Variants in NOL4 observed in about 807,000 individuals in gnomAD.
The protein encoded by NOL4 is cancer/testis antigen 125.
In NOL4, 17 loss-of-function variants were observed where a neutral mutation model predicts 75.9. The observed-to-expected ratio is 0.22, with a 90% CI of 0.15 to 0.34. The LOEUF (loss-of-function observed/expected upper bound fraction) is 0.34, where lower values mean the gene tolerates loss of function less well. NOL4 is among the 10% of genes least tolerant of loss of function. The pLI is 1.00. For synonymous variants in NOL4, 292 were observed against 289.9 expected, an observed-to-expected ratio of 1.01 and a Z score of -0.07; for missense variants, 614 against 793.5, an observed-to-expected ratio of 0.77 and a Z score of 2.72.
At chr18:34,018,066 G>A (rs923413708) in intron 6 of NOL4, among the ~76,000 whole-genome samples, 3 of 152,024 alleles carry the variant, frequency 2.0e-5, no homozygotes, top group Non-Finnish European at 4.4e-5. Flanking sequence ...GCAAACTATC[G>A]AATAATTTTA....
intron 5 of NOL4, among the ~76,000 whole-genome samples, chr18:34,085,139 T>C (rs568207740): frequency 2.6e-5 from 4 of 152,234 alleles, no homozygotes; most frequent in South Asian, 2.1e-4. Context: ...AGGTTCAAAA[T>C]TTATTTGAAT....
At chr18:34,195,037 A>G (rs1404690306) in intron 1 of NOL4, among the ~76,000 whole-genome samples, 2 of 151,818 alleles carry the variant, frequency 1.3e-5, no homozygotes, top group South Asian at 2.1e-4. Flanking sequence ...TCAAAAAAAA[A>G]AAAGAAAGAA....
At chr18:34,222,074 C>T in intron 1 of NOL4, 1 of 1,535,166 alleles carries the variant, frequency 6.5e-7, no homozygotes, top group Non-Finnish European at 8.7e-7. Flanking sequence ...TACTTGTAGC[C>T]CACAGTTCCC....
intron 1 of NOL4, among the ~76,000 whole-genome samples, chr18:34,212,777 T>C (rs1328080149): frequency 6.6e-6 from 1 of 152,168 alleles, no homozygotes; most frequent in Non-Finnish European, 1.5e-5. Context: ...GGTCTCAGCA[T>C]CCAGAGACTG....
chr18:33,866,941 T>C (rs1200694052), intron 10 of NOL4, among the ~76,000 whole-genome samples: 1 of 152,152 alleles, frequency 6.6e-6, no homozygotes, highest in African/African-American at 2.4e-5. Flanking sequence ...TTATTATTCT[T>C]CAGAGAGCCT....
intron 2 of NOL4, among the ~76,000 whole-genome samples, chr18:34,125,724 A>G (rs1005231982): frequency 7.9e-5 from 12 of 152,148 alleles, no homozygotes; most frequent in South Asian, 2.1e-4. Context: ...CTGGAAAGGA[A>G]TATTCCATTC....
At chr18:33,981,105 T>C (rs1600137168) in intron 6 of NOL4, among the ~76,000 whole-genome samples, 4 of 152,038 alleles carry the variant, frequency 2.6e-5, no homozygotes, top group Admixed American at 2.6e-4. Context: ...GACATGGCTG[T>C]GGAAAGAATC....
At chr18:34,058,650 T>A (rs1165728370) in intron 5 of NOL4, among the ~76,000 whole-genome samples, 1 of 152,166 alleles carries the variant, frequency 6.6e-6, no homozygotes, top group Non-Finnish European at 1.5e-5. Flanking sequence ...AATATTGCAA[T>A]CTTCATAACA....
At chr18:33,923,186 T>A (rs755394469) in intron 9 of NOL4, among the ~76,000 whole-genome samples, 2 of 152,118 alleles carry the variant, frequency 1.3e-5, no homozygotes, top group African/African-American at 2.4e-5. Context: ...TATACCAATT[T>A]TTTGTCTTCC....
Position 33,955,160 on chromosome 18 carries a change from T to C in NOL4, c.1428+2166A>G, listed in dbSNP as rs551339186. 5.3e-5 allele frequency among the ~76,000 whole-genome samples: 8 copies of C among 152,218 alleles called. No individual in the cohort carries two copies. The South Asian group carries it at 1.7e-3, about 32-fold the overall frequency. On this transcript the variant is annotated intron_variant, in intron 8 of 10. Coordinates refer to ENST00000261592, the MANE Select transcript of NOL4 (RefSeq NM_003787.5). ...TAATAGCTACATAGGTATTATAAAG[T>C]TTTTATCAAGATCTTATATGAAAGG...
At chr18:34,167,151 C>A (rs2032475496) in intron 1 of NOL4, among the ~76,000 whole-genome samples, 1 of 149,330 alleles carries the variant, frequency 6.7e-6, no homozygotes, top group South Asian at 2.1e-4. Flanking sequence ...TTATAAGTAA[C>A]CTAGGGATGA....
At chr18:33,909,582 A>G (rs906953061) in intron 9 of NOL4, among the ~76,000 whole-genome samples, 9 of 152,150 alleles carry the variant, frequency 5.9e-5, no homozygotes, top group African/African-American at 1.9e-4. Context: ...CCTGAGTTAG[A>G]GACTCAGGAG....
intron 6 of NOL4, among the ~76,000 whole-genome samples, chr18:33,965,424 C>A (rs928505636): frequency 3.9e-5 from 6 of 152,092 alleles, no homozygotes; most frequent in Admixed American, 2.0e-4. Context: ...GCCCACGAAT[C>A]CCAGGCTGCT....
At position 33,878,778 on chromosome 18, in the gene NOL4, A is replaced by G. The variant is rs553955706; in HGVS notation, c.1723+4466T>C. Among the ~76,000 whole-genome samples, 64 of 152,174 alleles carry G rather than the reference A, an allele frequency of 4.2e-4. No individual in the cohort carries two copies. In the South Asian group the frequency reaches 0.012, roughly 29 times the overall value. On this transcript the variant is annotated intron_variant, in intron 10 of 10. Transcript: ENST00000261592. ...ACAAAAAAATACATCGGAAGTTCCT[A>G]CTGGTACTACCAATTCAAATACAAG...
At chr18:33,992,059 A>C (rs1264435767) in intron 6 of NOL4, among the ~76,000 whole-genome samples, 2 of 149,504 alleles carry the variant, frequency 1.3e-5, no homozygotes, top group African/African-American at 5.1e-5. Flanking sequence ...TTAATGATAG[A>C]TACTCCAGTA....
intron 10 of NOL4, among the ~76,000 whole-genome samples, chr18:33,861,471 G>A (rs951871567): frequency 3.3e-5 from 5 of 151,964 alleles, no homozygotes; most frequent in Admixed American, 1.3e-4. Flanking sequence ...CTGTGGGATT[G>A]GTGGTGATAT....
At chr18:34,142,509 T>G (rs2081213663) in intron 1 of NOL4, among the ~76,000 whole-genome samples, 1 of 152,098 alleles carries the variant, frequency 6.6e-6, no homozygotes, top group Admixed American at 6.6e-5. Flanking sequence ...CCATAAAAAA[T>G]GATGAGTTCA....
intron 8 of NOL4, among the ~76,000 whole-genome samples, chr18:33,956,957 G>A (rs1293641138): frequency 2.6e-5 from 4 of 152,052 alleles, no homozygotes; most frequent in African/African-American, 9.7e-5. Context: ...AGCAGTGACT[G>A]GTGCTTCAGT....
chr18:34,062,817 A>G (rs1312118727), intron 5 of NOL4, among the ~76,000 whole-genome samples: 2 of 152,136 alleles, frequency 1.3e-5, no homozygotes, highest in African/African-American at 2.4e-5. Flanking sequence ...GCATATTCAT[A>G]TAAGAAACTA....
Sources: gnomAD v4.1 joint callset for allele counts (sites outside exome capture counted in the v4.1 genomes callset) on GRCh38, gnomAD v4.1.1 for gene constraint, MANE v1.5 for transcripts, NCBI Gene and HGNC (gene_info 2026-07-23, HGNC 2026-07-21) for gene names.